TARS2: variants seen among roughly 807,000 people sequenced by gnomAD.
The protein encoded by TARS2 is threonine--tRNA ligase, mitochondrial.
TARS2 carries 61 observed loss-of-function variants against 94.4 expected under a neutral mutation model. The observed-to-expected ratio is 0.65, with a 90% CI of 0.53 to 0.80. The LOEUF (loss-of-function observed/expected upper bound fraction) is 0.80. Ranked by LOEUF, TARS2 falls within the 30% of genes least tolerant of loss-of-function variation. The pLI is 0.00. For missense variants in TARS2, 704 were observed against 902.5 expected, an observed-to-expected ratio of 0.78 and a Z score of 2.82; for synonymous variants, 359 against 353.4, an observed-to-expected ratio of 1.02 and a Z score of -0.18.
chr1:150,499,418 C>T, intron 13 of TARS2, 125 bp downstream of exon 13: 2 of 889,328 alleles, frequency 2.2e-6, no homozygotes, highest in Non-Finnish European at 3.4e-6. Flanking sequence ...GGCTAAAATG[C>T]AGTGGTGTGA....
At chr1:150,488,134 T>G in intron 2 of TARS2, 80 bp downstream of exon 2, 2 of 1,491,010 alleles carry the variant, frequency 1.3e-6, no homozygotes, top group Non-Finnish European at 1.8e-6. Flanking sequence ...GGAAGAAAAC[T>G]TGGTCTGCTT....
rs1350028169 is a variant in TARS2 at position 150,487,547 on chromosome 1, G to T, written c.66+31G>T. On this transcript the variant is annotated intron_variant, in intron 1 of 17. Transcript: ENST00000369064. Reference sequence around the variant, plus strand: ...TGAGGCACCCCCAAAGCTCCGATCCGCATCAGACTTAGCCCAGCCGAAGCC... The same window carrying T: ...TGAGGCACCCCCAAAGCTCCGATCCTCATCAGACTTAGCCCAGCCGAAGCC... 3 of 1,613,858 alleles carry T rather than the reference G, an allele frequency of 1.9e-6. No homozygotes were observed. In the African/African-American group the frequency reaches 4.0e-5, roughly 22 times the overall value.
intron 13 of TARS2, among the ~76,000 whole-genome samples, chr1:150,504,019 TA>T (rs1317017823): frequency 6.6e-6 from 1 of 151,258 alleles, no homozygotes; most frequent in Non-Finnish European, 1.5e-5. Flanking sequence ...GATGACAGGA[TA>T]AAGGGTGTAG....
rs766101128 is a variant in TARS2, at chr1:150,497,592, C to G, written c.1083C>G (p.Leu361=). The change falls in exon 10 of 18, where the codon CTC becomes CTG. Residue 361 remains leucine, a synonymous_variant. Coordinates refer to ENST00000369064, the MANE Select transcript of TARS2 (RefSeq NM_025150.5). The stretch of plus-strand genomic sequence containing the variant: ...CTCCCACACTGTTTTCTACGAAGCT[C>G]TGGGAACAGTCAGGGCACTGGGAGC... ...VKTPTLFSTK[L]WEQSGHWEHY... is the part of the protein sequence containing the mutation. 1.2e-6 allele frequency: 2 copies of G among 1,614,038 alleles called. No individual in the cohort carries two copies. The highest frequency in any genetic ancestry group is 1.7e-5 in the Admixed American group (1 of 59,984).
intron 13 of TARS2, among the ~76,000 whole-genome samples, chr1:150,499,847 T>C (rs1669835605): frequency 6.6e-6 from 1 of 150,764 alleles, no homozygotes; most frequent in African/African-American, 2.4e-5. Context: ...CTCGGGGAGG[T>C]TACAAAAGGT....
chr1:150,497,713 C>A lies in TARS2; in HGVS notation c.1204C>A (p.Leu402Ile), dbSNP rs747160525. ...TTCTACCAGGCATATCACAGATACA[C>A]TCGCCCTCAAGCCTATGAACTGCCC... ...DDSTRHITDT[L>I]ALKPMNCPAH... Residue 402 changes from leucine (L) to isoleucine (I), a missense_variant, in exon 10 of 18, where the codon CTC becomes ATC. By Grantham distance (5) the Leu-to-Ile change is conservative. Around this residue, in one of 3 missense-constraint regions of TARS2, gnomAD observed 466 missense variants for 609.5 expected, o/e 0.76. Coordinates refer to ENST00000369064, the MANE Select transcript of TARS2 (RefSeq NM_025150.5). 2 of 1,614,122 alleles carry A rather than the reference C, an allele frequency of 1.2e-6. No homozygotes were observed. Among genetic ancestry groups the A allele is most frequent in the African/African-American group, 1.3e-5 (1 of 75,044 alleles).
In TARS2 at chr1:150,487,692, A is replaced by G. The variant is rs2275246; in HGVS notation, c.67-166A>G. Among the ~76,000 whole-genome samples the G allele has an allele frequency of 0.61, 92,052 of 151,926 alleles. 28,423 individuals are homozygous for G. Among genetic ancestry groups the G allele is most frequent in the African/African-American group, 0.67 (27,901 of 41,444 alleles). Reference sequence around the variant, plus strand: ...AATTCTCGAGTTAGCGGTCTGGGGGACTCTGAGCTCGAAGGACCCCCAGCC... The same window carrying G: ...AATTCTCGAGTTAGCGGTCTGGGGGGCTCTGAGCTCGAAGGACCCCCAGCC... On this transcript the variant is annotated intron_variant, in intron 1 of 17. Coordinates refer to ENST00000369064, the MANE Select transcript of TARS2 (RefSeq NM_025150.5).
In TARS2 at chr1:150,496,819, C is replaced by CTCT. The variant is rs767240532; in HGVS notation, c.940_942dup (p.Phe314dup). 6.2e-7 allele frequency: 1 copy of CTCT among 1,613,972 alleles called. No homozygotes were observed. The highest frequency in any genetic ancestry group is 8.5e-7 in the Non-Finnish European group (1 of 1,180,018). On this transcript the variant is annotated inframe_insertion, in exon 9 of 18. Coordinates refer to ENST00000369064, the MANE Select transcript of TARS2 (RefSeq NM_025150.5). ...CTATTCCTGACCCCAGGAACAGGAG[C>CTCT]TCTTCTTCTTCCATGAACTGAGCCC...
chr1:150,495,931 AG>A (rs1560249486), intron 7 of TARS2, among the ~76,000 whole-genome samples: 1 of 151,384 alleles, frequency 6.6e-6, no homozygotes, highest in African/African-American at 2.4e-5. Flanking sequence ...CATGTTAGCC[AG>A]GATGGTCTCG....
intron 7 of TARS2, among the ~76,000 whole-genome samples, chr1:150,492,809 C>CAAAAAAAAAAA (rs750302051): frequency 7.4e-5 from 5 of 67,270 alleles, no homozygotes; most frequent in African/African-American, 1.5e-4. Flanking sequence ...GAGTCCATCT[C>CAAAAAAAAAAA]AAAAAAAAAA....
chr1:150,503,601 GTA>G (rs1449894909), intron 13 of TARS2, among the ~76,000 whole-genome samples: 2,268 of 125,382 alleles, frequency 0.018, 114 homozygotes, highest in African/African-American at 0.063. Flanking sequence ...GTGTGTGTGT[GTA>G]TGTGTGTATA....
At chr1:150,506,484 G>GCACACACACACACACACA (rs777723888) in intron 17 of TARS2, among the ~76,000 whole-genome samples, 1 of 93,444 alleles carries the variant, frequency 1.1e-5, no homozygotes, top group Non-Finnish European at 2.2e-5. Flanking sequence ...AGACACGCGC[G>GCACACACACACACACACA]CGCACACACA....
chr1:150,505,800 G>A (rs1171289764), intron 17 of TARS2, 95 bp downstream of exon 17: 2 of 1,193,696 alleles, frequency 1.7e-6, no homozygotes, highest in African/African-American at 1.5e-5. Context: ...TGGGTTAATT[G>A]GGGCTCATTA....
intron 7 of TARS2, among the ~76,000 whole-genome samples, chr1:150,495,652 C>G (rs1245286901): frequency 6.6e-6 from 1 of 151,744 alleles, no homozygotes; most frequent in Admixed American, 6.6e-5. Flanking sequence ...CCTCAGCCCC[C>G]CAAAGTGCTG....
chr1:150,503,462 C>T (rs1301167721), intron 13 of TARS2, among the ~76,000 whole-genome samples: 1 of 150,256 alleles, frequency 6.7e-6, no homozygotes, highest in Admixed American at 6.6e-5. Context: ...CCGAAGTGGG[C>T]AGATCACTTG....
rs1461714331 is a variant in TARS2 at position 150,503,585 on chromosome 1, A to ATATATGTGTGTG, written c.1618-749_1618-748insATATGTGTGTGT. Among the ~76,000 whole-genome samples, 1,196 of 137,154 alleles carry ATATATGTGTGTG rather than the reference A, an allele frequency of 8.7e-3. 22 individuals carry two copies. Among genetic ancestry groups the ATATATGTGTGTG allele is most frequent in the African/African-American group, 0.032 (1,124 of 34,630 alleles). 90.0% of individuals were successfully genotyped at this position (137,154 alleles called of 152,430 possible). A position where few individuals can be genotyped will look rare whatever the true frequency, so the allele number is the denominator to read the frequency against. On this transcript the variant is annotated intron_variant, in intron 13 of 17. Coordinates refer to ENST00000369064, the MANE Select transcript of TARS2 (RefSeq NM_025150.5). Reference sequence around the variant, plus strand: ...TGTGTGTGTGTGTGTGTGTATATATATGTGTGTGTGTGTGTGTATGTGTGT... The same window carrying ATATATGTGTGTG: ...TGTGTGTGTGTGTGTGTGTATATATATATATGTGTGTGTGTGTGTGTGTGTGTGTATGTGTGT...
At position 150,492,256 on chromosome 1, in the gene TARS2, G is replaced by A. The variant is rs955799401; in HGVS notation, c.696-155G>A. The stretch of plus-strand genomic sequence containing the variant: ...TGGGATTATAGACATGAGCCACCGC[G>A]CCCTGCCAGGGAATTGATTTTTATC... On this transcript the variant is annotated intron_variant, in intron 6 of 17. Transcript: ENST00000369064. 32 of 714,830 alleles carry A rather than the reference G, an allele frequency of 4.5e-5. 1 individual carries two copies. Among genetic ancestry groups the A allele is most frequent in the Non-Finnish European group, 6.5e-5 (28 of 431,682 alleles). 44.3% of individuals were successfully genotyped at this position (714,830 alleles called of 1,614,324 possible).
chr1:150,502,551 A>ATT (rs1220901006), intron 13 of TARS2, among the ~76,000 whole-genome samples: 4 of 151,724 alleles, frequency 2.6e-5, no homozygotes, highest in African/African-American at 9.7e-5. Flanking sequence ...ACACCAGCTA[A>ATT]TTTTTGTATT....
intron 12 of TARS2, 57 bp from the exon 13 acceptor site, chr1:150,499,159 T>C (rs1388692694): frequency 3.1e-6 from 5 of 1,611,024 alleles, no homozygotes; most frequent in Non-Finnish European, 4.2e-6. Context: ...ACTGACCGGA[T>C]GTGTTGCTTT....
Sources: gnomAD v4.1 joint callset for allele counts (sites outside exome capture counted in the v4.1 genomes callset) on GRCh38, gnomAD v4.1.1 for gene constraint, gnomAD v4.1.1 regional missense constraint, MANE v1.5 for transcripts, NCBI Gene and HGNC (gene_info 2026-07-23, HGNC 2026-07-21) for gene names.